Variants in PPM1B observed in about 807,000 individuals in gnomAD.
PPM1B encodes the protein protein phosphatase, Mg2+/Mn2+ dependent 1B, also known as protein phosphatase 1B.
A neutral mutation model predicts 43.0 loss-of-function variants in PPM1B; 22 were observed. That is an observed-to-expected ratio of 0.51 (90% CI 0.37 to 0.73). The LOEUF (loss-of-function observed/expected upper bound fraction) is 0.73, where lower values mean the gene tolerates loss of function less well. PPM1B is among the 30% of genes least tolerant of loss of function. The pLI is 0.00. For missense variants in PPM1B, 632 were observed against 584.2 expected (o/e 1.08, Z -0.84); for synonymous variants, 217 against 197.9 (o/e 1.10, Z -0.81).
At position 44,201,841 on chromosome 2, in the gene PPM1B, C is replaced by A; in HGVS notation, c.642C>A (p.Gly214=). 6.2e-7 allele frequency: 1 copy of A among 1,614,040 alleles called. No individual in the cohort carries two copies. Among genetic ancestry groups the A allele is most frequent in the Non-Finnish European group, 8.5e-7 (1 of 1,179,990 alleles). ...DYDYKCVDGK[G]PTEQLVSPEP... ...ATTACAAGTGTGTTGATGGCAAGGG[C>A]CCAACAGAACAACTTGTTTCTCCAG... The change falls in exon 2 of 6, where the codon GGC becomes GGA. Residue 214 remains glycine, a synonymous_variant. Coordinates refer to ENST00000282412, the MANE Select transcript of PPM1B (RefSeq NM_002706.6). This position sits in a 1 kb window ranked among gnomAD's most constrained non-coding sequence, Gnocchi z 5.4.
downstream of PPM1B, among the ~76,000 whole-genome samples, chr2:44,244,808 A>ATCGT (rs1670824031): frequency 7.0e-6 from 1 of 141,870 alleles, no homozygotes; most frequent in Non-Finnish European, 1.5e-5. Flanking sequence ...TTAGAAGTGT[A>ATCGT]TAATTACTTG....
At chr2:44,244,285 G>C in exon 6 of PPM1B, 2 of 1,359,664 alleles carry the variant, frequency 1.5e-6, no homozygotes, top group Non-Finnish European at 2.0e-6. Flanking sequence ...TGACAAGAAA[G>C]GCAGTGGCTG....
chr2:44,232,344 A>C, downstream of PPM1B: 1 of 1,605,948 alleles, frequency 6.2e-7, no homozygotes, highest in East Asian at 2.3e-5. Context: ...GACCCATGGT[A>C]GCCTTAAAAA....
downstream of PPM1B, among the ~76,000 whole-genome samples, chr2:44,239,423 C>G (rs1670698845): frequency 6.6e-6 from 1 of 151,874 alleles, no homozygotes; most frequent in Admixed American, 6.6e-5. Flanking sequence ...TGCAAAACCT[C>G]TCAGACTGTT....
In PPM1B at chr2:44,169,246, C is replaced by T. The variant is rs1042774413; in HGVS notation, c.-43C>T. 6.5e-6 allele frequency: 1 copy of T among 154,022 alleles called. No homozygotes were observed. The highest frequency in any genetic ancestry group is 2.4e-5 in the African/African-American group (1 of 41,458). 9.5% of individuals were successfully genotyped at this position (154,022 alleles called of 1,614,324 possible). On this transcript the variant is annotated 5_prime_UTR_variant, in exon 1 of 6. Coordinates refer to ENST00000282412, the MANE Select transcript of PPM1B (RefSeq NM_002706.6). Reference sequence around the variant, plus strand: ...CCGCGGCGGGCGCGAGCGAGGCGCCCTAGACATCTTCTCCCTCCCTTGCCT... The same window carrying T: ...CCGCGGCGGGCGCGAGCGAGGCGCCTTAGACATCTTCTCCCTCCCTTGCCT...
chr2:44,218,194 G>T lies in PPM1B; in HGVS notation c.1076+116G>T, dbSNP rs1455414278. 5.1e-6 allele frequency: 4 copies of T among 782,896 alleles called. No individual in the cohort carries two copies. In the East Asian group the frequency reaches 1.1e-4, roughly 21 times the overall value. The allele number at this position is 782,896 out of a possible 1,614,324, so 48.5% of individuals were successfully genotyped here. ...TTATCTAGAGGTGAAATGGGTTAGT[G>T]TTTCTTATACTAGAGAAGAACTCTT... On this transcript the variant is annotated intron_variant, in intron 4 of 5. Coordinates refer to ENST00000282412, the MANE Select transcript of PPM1B (RefSeq NM_002706.6).
intron 5 of PPM1B, among the ~76,000 whole-genome samples, chr2:44,223,217 C>T (rs904764310): frequency 4.6e-5 from 7 of 152,110 alleles, no homozygotes; most frequent in African/African-American, 1.7e-4. Context: ...AGTTATTTTT[C>T]ACTTAAATAC....
At chr2:44,236,394 C>A (rs1670611969), downstream of PPM1B, among the ~76,000 whole-genome samples, 1 of 31,534 alleles carries the variant, frequency 3.2e-5, no homozygotes, top group Non-Finnish European at 8.4e-5. Context: ...CAGAGGGAGA[C>A]TCCGTCTCAA....
At chr2:44,178,475 T>TATA (rs1491152402) in intron 1 of PPM1B, among the ~76,000 whole-genome samples, 263 of 23,938 alleles carry the variant, frequency 0.011, 1 homozygote, top group African/African-American at 0.017. Context: ...TATATATATA[T>TATA]TTTTTTTTTT....
chr2:44,213,580 A>G (rs553149120), intron 3 of PPM1B: 1 of 152,190 alleles, frequency 6.6e-6, no homozygotes, highest in Admixed American at 6.5e-5. Flanking sequence ...AAATTTGGAG[A>G]ATGGGGATTT....
At chr2:44,222,353 A>T (rs188634261) in intron 5 of PPM1B, among the ~76,000 whole-genome samples, 93 of 152,312 alleles carry the variant, frequency 6.1e-4, no homozygotes, top group African/African-American at 2.1e-3. Flanking sequence ...TTTAAAAATT[A>T]ATTTGAGGTT....
At chr2:44,213,846 T>A (rs190535181) in intron 3 of PPM1B, 1 of 152,308 alleles carries the variant, frequency 6.6e-6, no homozygotes, top group East Asian at 1.9e-4. Flanking sequence ...GAGTTAATAT[T>A]TAATGATAAA....
rs368791006 is a variant in PPM1B, at chr2:44,230,617, G to A, written c.1339G>A (p.Val447Met). The A allele has an allele frequency of 1.2e-6, 2 of 1,614,194 alleles. No individual in the cohort carries two copies. Among genetic ancestry groups the A allele is most frequent in the South Asian group, 1.1e-5 (1 of 91,086 alleles). The change falls in exon 6 of 6, where the codon GTG becomes ATG. Residue 447 changes from valine to methionine, a missense_variant. Physicochemically the swap from Val to Met is conservative, Grantham distance 21. Around this residue, in one of 3 missense-constraint regions of PPM1B, gnomAD observed 392 missense variants for 302.7 expected, o/e 1.29. Coordinates refer to ENST00000282412, the MANE Select transcript of PPM1B (RefSeq NM_002706.6). Reference sequence around the variant, plus strand: ...TTCGAACAGTGATGCTGGAAACCCAGTGACAATGCAGGAAAGCCATACTGA... The same window carrying A: ...TTCGAACAGTGATGCTGGAAACCCAATGACAATGCAGGAAAGCCATACTGA... ...TSSNSDAGNP[V>M]TMQESHTESE...
intron 5 of PPM1B, among the ~76,000 whole-genome samples, chr2:44,229,727 G>C (rs924549291): frequency 1.3e-5 from 2 of 152,114 alleles, no homozygotes; most frequent in African/African-American, 4.8e-5. Flanking sequence ...ACTGTGATCA[G>C]CTTGGATGAT....
At chr2:44,239,119 A>G (rs927989610), downstream of PPM1B, among the ~76,000 whole-genome samples, 14 of 146,298 alleles carry the variant, frequency 9.6e-5, no homozygotes, top group African/African-American at 3.3e-4. Context: ...GTCTGCAGTG[A>G]GCTACAAATG....
intron 2 of PPM1B, among the ~76,000 whole-genome samples, chr2:44,207,802 G>A (rs1310305420): frequency 6.6e-6 from 1 of 151,374 alleles, no homozygotes; most frequent in Non-Finnish European, 1.5e-5. Flanking sequence ...AGGCTGGTCT[G>A]GAACTCTTGG....
chr2:44,246,928 A>G (rs940815862), downstream of PPM1B, among the ~76,000 whole-genome samples: 1 of 152,168 alleles, frequency 6.6e-6, no homozygotes, highest in African/African-American at 2.4e-5. Flanking sequence ...TTTTAAAAAT[A>G]TCCCTGATGC....
Position 44,230,747 on chromosome 2 carries a change from C to G in PPM1B, c.*29C>G, listed in dbSNP as rs200010688. On this transcript the variant is annotated 3_prime_UTR_variant, in exon 6 of 6. Coordinates refer to ENST00000282412, the MANE Select transcript of PPM1B (RefSeq NM_002706.6). ...TCCTTTTTGGTAATATTTTTGTGATCTTTGATGGTTTTTAACCTAGGAAGT... is the reference window on the plus strand; with the variant it reads ...TCCTTTTTGGTAATATTTTTGTGATGTTTGATGGTTTTTAACCTAGGAAGT... The G allele has an allele frequency of 1.6e-5, 26 of 1,593,150 alleles. No homozygotes were observed. In the African/African-American group the frequency reaches 3.4e-4, roughly 21 times the overall value.
chr2:44,246,910 T>A (rs758083177), downstream of PPM1B, among the ~76,000 whole-genome samples: 2 of 152,152 alleles, frequency 1.3e-5, no homozygotes, highest in Non-Finnish European at 2.9e-5. Context: ...ATACTTCAAT[T>A]AAAATATTTT....
Sources: allele counts gnomAD v4.1 joint callset (sites outside exome capture counted in the v4.1 genomes callset), GRCh38; gene constraint gnomAD v4.1.1; regional missense constraint gnomAD v4.1.1; non-coding constraint Gnocchi (gnomAD v3.1); transcripts MANE v1.5; gene names NCBI Gene and HGNC (gene_info 2026-07-23, HGNC 2026-07-21).